The following GPT2 variants were observed in gnomAD, a reference collection of about 807,000 sequenced individuals.
GPT2 encodes the protein glutamic--pyruvic transaminase 2.
A neutral mutation model predicts 56.9 loss-of-function variants in GPT2; 30 were observed. The observed-to-expected ratio is 0.53, with a 90% CI of 0.39 to 0.72. The LOEUF (loss-of-function observed/expected upper bound fraction) is 0.72. Ranked by LOEUF, GPT2 falls within the 30% of genes least tolerant of loss-of-function variation. GPT2 has a pLI of 0.00. For synonymous variants in GPT2, 271 were observed against 283.1 expected, an observed-to-expected ratio of 0.96 and a Z score of 0.43; for missense variants, 542 against 703.4, an observed-to-expected ratio of 0.77 and a Z score of 2.60.
intron 2 of GPT2, among the ~76,000 whole-genome samples, chr16:46,887,453 G>A (rs1032200791): frequency 2.0e-5 from 3 of 152,156 alleles, no homozygotes; most frequent in Non-Finnish European, 4.4e-5. Flanking sequence ...AGCTCAGAGC[G>A]AGACTCCATC....
intron 2 of GPT2, chr16:46,885,315 T>C: frequency 4.3e-6 from 4 of 933,140 alleles, no homozygotes; most frequent in Non-Finnish European, 5.1e-6. Flanking sequence ...GTCTCAGTGA[T>C]AAGTTCTTGG....
At chr16:46,923,021 C>T (rs1170714076) in intron 9 of GPT2, among the ~76,000 whole-genome samples, 1 of 152,200 alleles carries the variant, frequency 6.6e-6, no homozygotes, top group African/African-American at 2.4e-5. Flanking sequence ...GCCATCACTG[C>T]CATCCATCTC....
intron 2 of GPT2, among the ~76,000 whole-genome samples, chr16:46,888,637 G>T (rs540448742): frequency 2.0e-5 from 3 of 151,518 alleles, no homozygotes; most frequent in Non-Finnish European, 4.4e-5. Context: ...GTGAGCCACC[G>T]CACCCGGCCA....
At position 46,929,128 on chromosome 16, in the gene GPT2, C is replaced by G; in HGVS notation, c.*131C>G. Reference sequence around the variant, plus strand: ...GCTGGTCACTTCGTCATCATTTTGCCCCTGGAGACGTCTTTCTTTGTGCCT... The same window carrying G: ...GCTGGTCACTTCGTCATCATTTTGCGCCTGGAGACGTCTTTCTTTGTGCCT... On this transcript the variant is annotated 3_prime_UTR_variant, in exon 12 of 12. Transcript: ENST00000340124. 1.5e-6 allele frequency: 1 copy of G among 682,794 alleles called. No homozygotes were observed. The highest frequency in any genetic ancestry group is 2.6e-6 in the Non-Finnish European group (1 of 382,314). 42.3% of individuals were successfully genotyped at this position (682,794 alleles called of 1,614,324 possible). A position where few individuals can be genotyped will look rare whatever the true frequency, so the allele number is the denominator to read the frequency against.
At chr16:46,889,751 T>C (rs894003800) in intron 2 of GPT2, among the ~76,000 whole-genome samples, 3 of 152,240 alleles carry the variant, frequency 2.0e-5, no homozygotes, top group African/African-American at 7.2e-5. Context: ...TAGTTTGAGA[T>C]GTTAATGATA....
rs1358945040 is a variant in GPT2, at chr16:46,930,359, C to T, written c.*1362C>T. On this transcript the variant is annotated 3_prime_UTR_variant, in exon 12 of 12. Transcript: ENST00000340124. ...TGGGAAGTTAGGGAAGCTCAGGAGC[C>T]TGGGACCCCGCATGTCCCAAAATGG... The T allele has an allele frequency of 1.3e-5, 2 of 152,330 alleles. No homozygotes were observed. Among genetic ancestry groups the T allele is most frequent in the Admixed American group, 1.3e-4 (2 of 15,280 alleles). 9.4% of individuals were successfully genotyped at this position (152,330 alleles called of 1,614,324 possible).
rs745901361 is a variant in GPT2 at position 46,922,407 on chromosome 16, A to G, written c.1203A>G (p.Gln401=). 5.1e-5 allele frequency: 82 copies of G among 1,610,016 alleles called. No individual in the cohort carries two copies. The highest frequency in any genetic ancestry group is 6.5e-5 in the Non-Finnish European group (77 of 1,178,352). ...PPVAGEESFE[Q]FSREKESVLG... is the part of the protein sequence containing the mutation. Reference sequence around the variant, plus strand: ...TGGCAGGAGAGGAGTCCTTTGAGCAATTCAGCCGAGTGAGTCCACTGTGAT... The same window carrying G: ...TGGCAGGAGAGGAGTCCTTTGAGCAGTTCAGCCGAGTGAGTCCACTGTGAT... The change falls in exon 9 of 12, where the codon CAA becomes CAG. Residue 401 remains glutamine (Q), a synonymous_variant. Coordinates refer to ENST00000340124, the MANE Select transcript of GPT2 (RefSeq NM_133443.4).
At chr16:46,918,848 T>G in intron 8 of GPT2, 91 bp downstream of exon 8, 1 of 1,488,148 alleles carries the variant, frequency 6.7e-7, no homozygotes, top group Non-Finnish European at 9.2e-7. Context: ...TCCACCCACT[T>G]GGATGGAGAG....
intron 2 of GPT2, among the ~76,000 whole-genome samples, chr16:46,892,011 A>G (rs1282512047): frequency 4.6e-5 from 7 of 151,790 alleles, no homozygotes; most frequent in Non-Finnish European, 7.4e-5. Context: ...ATAAGTTACA[A>G]CTTGCAAAAT....
chr16:46,910,751 C>T (rs941484724), intron 6 of GPT2, among the ~76,000 whole-genome samples: 31 of 152,082 alleles, frequency 2.0e-4, no homozygotes, highest in African/African-American at 7.0e-4. Context: ...AGCACCACCA[C>T]GCCCAGCTAA....
intron 5 of GPT2, among the ~76,000 whole-genome samples, chr16:46,907,519 G>A (rs143802745): frequency 2.0e-5 from 3 of 152,342 alleles, no homozygotes; most frequent in Admixed American, 6.5e-5. Context: ...GGGACACACA[G>A]GAGTGAACTG....
chr16:46,905,176 T>C (rs1005914646), intron 4 of GPT2, among the ~76,000 whole-genome samples: 1 of 151,836 alleles, frequency 6.6e-6, no homozygotes, highest in African/African-American at 2.4e-5. Context: ...CCTTTCTCAG[T>C]CTCCTGAGTA....
At chr16:46,914,585 C>T (rs1163857240) in intron 6 of GPT2, among the ~76,000 whole-genome samples, 1 of 152,134 alleles carries the variant, frequency 6.6e-6, no homozygotes, top group Admixed American at 6.6e-5. Context: ...TCTCTGTTAG[C>T]GTTGAGTCCT....
chr16:46,911,203 T>C (rs925687104), intron 6 of GPT2, among the ~76,000 whole-genome samples: 20 of 152,308 alleles, frequency 1.3e-4, no homozygotes, highest in African/African-American at 4.6e-4. Context: ...TTTGCATATT[T>C]TTCTTTAAAA....
intron 6 of GPT2, among the ~76,000 whole-genome samples, chr16:46,912,237 T>G (rs1961059956): frequency 6.6e-6 from 1 of 152,220 alleles, no homozygotes; most frequent in Middle Eastern, 3.4e-3. Context: ...AGGGTGGAAC[T>G]GTGGAGTGCA....
At chr16:46,897,798 C>A in intron 3 of GPT2, 61 bp downstream of exon 3, 1 of 1,466,814 alleles carries the variant, frequency 6.8e-7, no homozygotes, top group South Asian at 1.1e-5. Context: ...GGCGGGCCGT[C>A]ATAGGGGCCG....
chr16:46,898,216 G>A (rs1184199121), intron 3 of GPT2, among the ~76,000 whole-genome samples: 2 of 152,168 alleles, frequency 1.3e-5, no homozygotes. Context: ...GGAGATTGCC[G>A]GGCCTTGGTG....
At chr16:46,891,022 C>T (rs1960574847) in intron 2 of GPT2, among the ~76,000 whole-genome samples, 1 of 151,160 alleles carries the variant, frequency 6.6e-6, no homozygotes, top group South Asian at 2.1e-4. Flanking sequence ...TACAGGCATG[C>T]GCCACCACAC....
chr16:46,886,532 T>A (rs1303603428), intron 2 of GPT2, among the ~76,000 whole-genome samples: 1 of 152,186 alleles, frequency 6.6e-6, no homozygotes, highest in East Asian at 1.9e-4. Context: ...GTGTTGGGAT[T>A]TTTTAGCAGG....
Sources: allele counts gnomAD v4.1 joint callset (sites outside exome capture counted in the v4.1 genomes callset), GRCh38; gene constraint gnomAD v4.1.1; transcripts MANE v1.5; gene names NCBI Gene and HGNC (gene_info 2026-07-23, HGNC 2026-07-21).